VAMP7: variants seen among roughly 807,000 people sequenced by gnomAD.
The protein encoded by VAMP7 is vesicle-associated membrane protein 7.
VAMP7 carries 14 observed loss-of-function variants against 29.6 expected under a neutral mutation model. The observed-to-expected ratio is 0.47, with a 90% CI of 0.31 to 0.74. The LOEUF is 0.74. Ranked by LOEUF, VAMP7 falls within the 30% of genes least tolerant of loss-of-function variation. VAMP7 has a pLI of 0.05. For synonymous variants in VAMP7, 95 were observed against 88.1 expected (o/e 1.08, Z -0.44); for missense variants, 223 against 262.4 (o/e 0.85, Z 1.04).
intron 5 of VAMP7, among the ~76,000 whole-genome samples, chrX:155,915,713 A>C (rs1163437576): frequency 1.3e-5 from 2 of 152,174 alleles, no homozygotes; most frequent in Admixed American, 1.3e-4. Context: ...ATTTGATGGC[A>C]CTGTGGTCTG....
intron 5 of VAMP7, among the ~76,000 whole-genome samples, chrX:155,908,026 C>A (rs1403999932): frequency 6.6e-6 from 1 of 151,998 alleles, no homozygotes; most frequent in Non-Finnish European, 1.5e-5. Flanking sequence ...ACGCTCCTCA[C>A]TTCCTAGATG....
chrX:155,898,958 T>C (rs768834987), intron 4 of VAMP7, among the ~76,000 whole-genome samples: 27 of 152,212 alleles, frequency 1.8e-4, no homozygotes, highest in African/African-American at 5.8e-4. Flanking sequence ...TATTCTTCCA[T>C]GTTGTATAAA....
chrX:155,917,148 C>T (rs1022380783), intron 5 of VAMP7, among the ~76,000 whole-genome samples: 5 of 152,084 alleles, frequency 3.3e-5, no homozygotes, highest in Non-Finnish European at 4.4e-5. Flanking sequence ...CTGATCAGTT[C>T]GGCTATTGAT....
chrX:155,936,868 C>T (rs1490386352), intron 6 of VAMP7, among the ~76,000 whole-genome samples: 4 of 151,998 alleles, frequency 2.6e-5, no homozygotes, highest in East Asian at 1.9e-4. Flanking sequence ...TTTATGATAG[C>T]ATCAAAAAGA....
At chrX:155,913,960 T>A (rs898507769) in intron 5 of VAMP7, among the ~76,000 whole-genome samples, 31 of 152,114 alleles carry the variant, frequency 2.0e-4, no homozygotes, top group Non-Finnish European at 4.0e-4. Flanking sequence ...TAAATTACTT[T>A]GGGCAGTTTG....
Position 155,936,676 on chromosome X carries a change from G to T in VAMP7, c.502-3025G>T, listed in dbSNP as rs6642254. Among the ~76,000 whole-genome samples, 244 of 152,286 alleles carry T rather than the reference G, an allele frequency of 1.6e-3. 5 individuals carry two copies. In the East Asian group the frequency reaches 0.038, roughly 24 times the overall value. ...TGAGGCGATGTCTCGCCCTGCTTCG[G>T]CTCACGCTCGGTGGGCTGCACCCAC... is the stretch of plus-strand genomic sequence containing the variant. On this transcript the variant is annotated intron_variant, in intron 6 of 7. Coordinates refer to ENST00000286448, the MANE Select transcript of VAMP7 (RefSeq NM_005638.6).
chrX:155,938,986 C>T (rs1355153788), intron 6 of VAMP7, among the ~76,000 whole-genome samples: 2 of 152,108 alleles, frequency 1.3e-5, no homozygotes, highest in Non-Finnish European at 1.5e-5. Flanking sequence ...TTATGCATTG[C>T]ACAGTTGATG....
At chrX:155,923,283 C>T (rs1268286732) in intron 6 of VAMP7, among the ~76,000 whole-genome samples, 2 of 151,814 alleles carry the variant, frequency 1.3e-5, no homozygotes, top group Non-Finnish European at 2.9e-5. Flanking sequence ...TTTGTGTAGG[C>T]CGAGTTTCTA....
At chrX:155,904,154 A>G (rs1455871596) in intron 5 of VAMP7, among the ~76,000 whole-genome samples, 2 of 144,006 alleles carry the variant, frequency 1.4e-5, no homozygotes, top group Non-Finnish European at 3.0e-5. Context: ...GAATTGAACA[A>G]TGAGAACACA....
At chrX:155,884,931 C>G (rs1454704092) in intron 1 of VAMP7, among the ~76,000 whole-genome samples, 1 of 152,172 alleles carries the variant, frequency 6.6e-6, no homozygotes, top group Non-Finnish European at 1.5e-5. Flanking sequence ...CAATTTCTTA[C>G]TTACAAATGG....
rs774309574 is a variant in VAMP7, at chrX:155,899,024, G to T, written c.342+775G>T. On this transcript the variant is annotated intron_variant, in intron 4 of 7. Coordinates refer to ENST00000286448, the MANE Select transcript of VAMP7 (RefSeq NM_005638.6). ...GTAGTATATGCATATACCACAATTT[G>T]TTTATCCATCCACCTGTTGCTGGAT... 2.2e-3 allele frequency among the ~76,000 whole-genome samples: 329 copies of T among 152,024 alleles called. 1 individual carries two copies. Among genetic ancestry groups the T allele is most frequent in the African/African-American group, 7.8e-3 (322 of 41,510 alleles).
intron 5 of VAMP7, among the ~76,000 whole-genome samples, chrX:155,904,195 G>C (rs962117309): frequency 1.5e-5 from 2 of 136,200 alleles, no homozygotes; most frequent in Non-Finnish European, 3.1e-5. Flanking sequence ...TCACACTCTG[G>C]GGACTGTTGT....
chrX:155,931,828 T>G lies in VAMP7; in HGVS notation c.502-7873T>G, dbSNP rs193029038. ...ATTACCTAGGTTTTCTTCTAGGGTT[T>G]TTATGGTTTTAGGTCTAACATTTAA... On this transcript the variant is annotated intron_variant, in intron 6 of 7. Coordinates refer to ENST00000286448, the MANE Select transcript of VAMP7 (RefSeq NM_005638.6). Among the ~76,000 whole-genome samples, 1,004 of 152,318 alleles carry G rather than the reference T, an allele frequency of 6.6e-3. 5 individuals are homozygous for G. The highest frequency in any genetic ancestry group is 0.014 in the Middle Eastern group (4 of 294).
rs1464467969 is a variant in VAMP7, at chrX:155,919,391, G to T, written c.434-422G>T. Among the ~76,000 whole-genome samples the T allele has an allele frequency of 2.6e-5, 4 of 152,064 alleles. No homozygotes were observed. In the East Asian group the frequency reaches 7.7e-4, roughly 29 times the overall value. On this transcript the variant is annotated intron_variant, in intron 5 of 7. Transcript: ENST00000286448. ...TTTTCAAGTTTATTAGCATATAGTT[G>T]TTAATAGTATTTCTATGGTCACTTC... is the stretch of plus-strand genomic sequence containing the variant.
intron 5 of VAMP7, among the ~76,000 whole-genome samples, chrX:155,919,288 T>C (rs909440): frequency 0.64 from 96,558 of 151,850 alleles, 31,080 homozygotes; most frequent in African/African-American, 0.75. Context: ...CATTACTGGC[T>C]TGTTCAGGTT....
At chrX:155,904,366 AAAAT>A (rs1452140611) in intron 5 of VAMP7, among the ~76,000 whole-genome samples, 2 of 85,466 alleles carry the variant, frequency 2.3e-5, no homozygotes, top group East Asian at 7.3e-4. Context: ...ATAATAAAAT[AAAAT>A]AAAAAAAGCA....
chrX:155,905,296 A>G (rs2066131689), intron 5 of VAMP7, among the ~76,000 whole-genome samples: 1 of 152,032 alleles, frequency 6.6e-6, no homozygotes, highest in African/African-American at 2.4e-5. Context: ...GAGCTATAAC[A>G]GTACTTTATA....
At chrX:155,895,774 G>T in intron 3 of VAMP7, 94 bp downstream of exon 3, 1 of 1,047,872 alleles carries the variant, frequency 9.5e-7, no homozygotes, top group East Asian at 2.4e-5. Context: ...CAACCCCCAG[G>T]CTGCAGACCG....
At chrX:155,935,505 T>G (rs2124398955) in intron 6 of VAMP7, among the ~76,000 whole-genome samples, 1 of 152,316 alleles carries the variant, frequency 6.6e-6, no homozygotes, top group African/African-American at 2.4e-5. Flanking sequence ...CTACTGAAGT[T>G]TGTGCATTCG....
Sources: allele counts gnomAD v4.1 joint callset (sites outside exome capture counted in the v4.1 genomes callset), GRCh38; gene constraint gnomAD v4.1.1; transcripts MANE v1.5; gene names NCBI Gene and HGNC (gene_info 2026-07-23, HGNC 2026-07-21).